NDST4: variants seen among roughly 807,000 people sequenced by gnomAD.
NDST4 encodes N-deacetylase and N-sulfotransferase 4.
In NDST4, 63 loss-of-function variants were observed where a neutral mutation model predicts 100.8. The ratio of observed to expected loss-of-function variants is 0.62; its 90% confidence interval spans 0.51 to 0.77. The LOEUF (loss-of-function observed/expected upper bound fraction) is 0.77, where lower values mean the gene tolerates loss of function less well. NDST4 is among the 30% of genes least tolerant of loss of function. The pLI is 0.00. For missense variants in NDST4, 943 were observed against 1,018.4 expected, an observed-to-expected ratio of 0.93 and a Z score of 1.01; for synonymous variants, 377 against 361.8, an observed-to-expected ratio of 1.04 and a Z score of -0.48.
intron 2 of NDST4, among the ~76,000 whole-genome samples, chr4:115,072,857 T>C (rs1729105443): frequency 6.6e-6 from 1 of 151,942 alleles, no homozygotes; most frequent in African/African-American, 2.4e-5. Flanking sequence ...AAAAAACTTT[T>C]ATACAGCAAT....
chr4:115,064,301 C>A lies in NDST4; in HGVS notation c.978+11758G>T, dbSNP rs182958745. Among the ~76,000 whole-genome samples, 224 of 152,062 alleles carry A rather than the reference C, an allele frequency of 1.5e-3. 1 individual carries two copies. Among genetic ancestry groups the A allele is most frequent in the African/African-American group, 5.3e-3 (222 of 41,542 alleles). ...AACTCCGTCCTCAAGAAAATAAACA[C>A]ATAAAACTAAATAAAATTGTTTCAA... On this transcript the variant is annotated intron_variant, in intron 2 of 13. Coordinates refer to ENST00000264363, the MANE Select transcript of NDST4 (RefSeq NM_022569.3).
intron 6 of NDST4, among the ~76,000 whole-genome samples, chr4:114,883,025 T>C (rs1395281664): frequency 1.1e-4 from 16 of 151,674 alleles, no homozygotes. Flanking sequence ...GAATGAGAAA[T>C]AAACACTCAC....
intron 2 of NDST4, among the ~76,000 whole-genome samples, chr4:115,015,115 A>T (rs1354634105): frequency 1.3e-5 from 2 of 152,110 alleles, no homozygotes; most frequent in Admixed American, 1.3e-4. Flanking sequence ...GCATGGCAAG[A>T]TATATGAAGA....
intron 2 of NDST4, among the ~76,000 whole-genome samples, chr4:114,997,086 A>G (rs554378784): frequency 3.1e-4 from 47 of 151,804 alleles, no homozygotes; most frequent in African/African-American, 1.1e-3. Flanking sequence ...ACTTCCTCCT[A>G]TTTTCCGCTT....
intron 5 of NDST4, among the ~76,000 whole-genome samples, chr4:114,936,738 T>C (rs1725636956): frequency 6.6e-6 from 1 of 152,196 alleles, no homozygotes; most frequent in Non-Finnish European, 1.5e-5. Context: ...CTATTATTTT[T>C]CAATTACTAT....
intron 11 of NDST4, among the ~76,000 whole-genome samples, chr4:114,839,111 G>A (rs1400754110): frequency 6.6e-6 from 1 of 152,124 alleles, no homozygotes; most frequent in Non-Finnish European, 1.5e-5. Context: ...CTGTTCAAAA[G>A]AAGATTGTAA....
chr4:114,864,566 G>A (rs1455369838), intron 7 of NDST4, among the ~76,000 whole-genome samples: 3 of 152,122 alleles, frequency 2.0e-5, no homozygotes, highest in African/African-American at 7.2e-5. Context: ...TAGATTAAGG[G>A]TGTTTATTCT....
intron 2 of NDST4, among the ~76,000 whole-genome samples, chr4:115,000,442 T>G (rs575614033): frequency 6.6e-6 from 1 of 152,150 alleles, no homozygotes; most frequent in East Asian, 1.9e-4. Context: ...CACAAAGCTA[T>G]AACAAATTTT....
At chr4:115,080,594 A>T (rs1172200889) in intron 1 of NDST4, among the ~76,000 whole-genome samples, 1 of 152,144 alleles carries the variant, frequency 6.6e-6, no homozygotes, top group African/African-American at 2.4e-5. Context: ...CAATTATATT[A>T]TATCCTCTAC....
intron 4 of NDST4, among the ~76,000 whole-genome samples, chr4:114,946,348 C>A (rs536576373): frequency 2.0e-5 from 3 of 151,994 alleles, no homozygotes; most frequent in African/African-American, 7.2e-5. Context: ...AGTCCAAGGT[C>A]ATACAAAAGA....
At chr4:114,954,188 CTT>C (rs2126233334) in intron 4 of NDST4, among the ~76,000 whole-genome samples, 1 of 151,890 alleles carries the variant, frequency 6.6e-6, no homozygotes, top group East Asian at 1.9e-4. Context: ...TTTTTTTAAA[CTT>C]AATTTTTTTG....
intron 2 of NDST4, among the ~76,000 whole-genome samples, chr4:115,062,187 C>T (rs1190294772): frequency 3.3e-5 from 5 of 151,892 alleles, no homozygotes; most frequent in Non-Finnish European, 7.4e-5. Flanking sequence ...AGTATCATAA[C>T]GATCTGTTAT....
chr4:114,850,774 A>G (rs1456653168), intron 8 of NDST4, among the ~76,000 whole-genome samples: 1 of 152,180 alleles, frequency 6.6e-6, no homozygotes, highest in Non-Finnish European at 1.5e-5. Context: ...TGCTCTTATA[A>G]TTGTTGTGCT....
chr4:114,945,865 G>A (rs930140489), intron 4 of NDST4, among the ~76,000 whole-genome samples: 2 of 152,158 alleles, frequency 1.3e-5, no homozygotes, highest in African/African-American at 4.8e-5. Context: ...ATGACTATGT[G>A]ACCCTGGAAA....
At chr4:114,946,782 T>C (rs1725875041) in intron 4 of NDST4, among the ~76,000 whole-genome samples, 1 of 152,178 alleles carries the variant, frequency 6.6e-6, no homozygotes, top group Non-Finnish European at 1.5e-5. Context: ...GCGGCAACAC[T>C]GAAGAGAAGG....
chr4:115,069,882 C>T (rs1217065940), intron 2 of NDST4, among the ~76,000 whole-genome samples: 1 of 152,020 alleles, frequency 6.6e-6, no homozygotes, highest in African/African-American at 2.4e-5. Flanking sequence ...GACTCTTTCT[C>T]TAAATAAGTA....
intron 7 of NDST4, among the ~76,000 whole-genome samples, chr4:114,861,395 T>G (rs1230868109): frequency 2.0e-5 from 3 of 152,240 alleles, no homozygotes; most frequent in Non-Finnish European, 4.4e-5. Context: ...TCATGCTGTA[T>G]GTAAGAGTAT....
chr4:115,037,094 A>G (rs1031526207), intron 2 of NDST4, among the ~76,000 whole-genome samples: 3 of 152,020 alleles, frequency 2.0e-5, no homozygotes, highest in African/African-American at 7.2e-5. Flanking sequence ...GAGGAACAGG[A>G]TTTTATAACT....
chr4:115,052,657 T>C (rs1046920631), intron 2 of NDST4, among the ~76,000 whole-genome samples: 5 of 152,270 alleles, frequency 3.3e-5, no homozygotes, highest in Admixed American at 3.3e-4. Flanking sequence ...TTCATGATTG[T>C]GAGGCCTCCC....
Sources: allele counts gnomAD v4.1 joint callset (sites outside exome capture counted in the v4.1 genomes callset), GRCh38; gene constraint gnomAD v4.1.1; transcripts MANE v1.5; gene names NCBI Gene and HGNC (gene_info 2026-07-23, HGNC 2026-07-21).